Variants in ADAM12 observed in about 807,000 individuals in gnomAD.
ADAM12 encodes ADAM metallopeptidase domain 12, also known as disintegrin and metalloproteinase domain-containing protein 12.
A neutral mutation model predicts 106.4 loss-of-function variants in ADAM12; 70 were observed. That is an observed-to-expected ratio of 0.66 (90% CI 0.54 to 0.80). The LOEUF (loss-of-function observed/expected upper bound fraction) is 0.80. Ranked by LOEUF, ADAM12 falls within the 30% of genes least tolerant of loss-of-function variation. ADAM12 has a pLI of 0.00. For synonymous variants in ADAM12, 420 were observed against 433.5 expected (o/e 0.97, Z 0.39); for missense variants, 1,010 against 1,171.9 (o/e 0.86, Z 2.02).
chr10:126,142,899 G>A (rs766401312), intron 4 of ADAM12, among the ~76,000 whole-genome samples: 1 of 152,100 alleles, frequency 6.6e-6, no homozygotes, highest in Non-Finnish European at 1.5e-5. Flanking sequence ...ATATTTGTGT[G>A]TGTGCATGTG....
At chr10:126,253,073 G>C (rs1459618788) in intron 3 of ADAM12, among the ~76,000 whole-genome samples, 1 of 152,116 alleles carries the variant, frequency 6.6e-6, no homozygotes, top group Non-Finnish European at 1.5e-5. Flanking sequence ...TTAGGACTGT[G>C]GTTCACATTC....
chr10:126,339,847 CTT>C (rs146232567), intron 1 of ADAM12, among the ~76,000 whole-genome samples: 10,339 of 74,020 alleles, frequency 0.14, 153 homozygotes, highest in Middle Eastern at 0.19. Context: ...CATTCTAGGG[CTT>C]TTTTTTTTTT....
intron 2 of ADAM12, among the ~76,000 whole-genome samples, chr10:126,282,753 T>C (rs551888843): frequency 3.3e-5 from 5 of 152,210 alleles, no homozygotes; most frequent in African/African-American, 1.2e-4. Flanking sequence ...CCCTTTTTGC[T>C]CTTAAAATGC....
At chr10:126,370,513 A>G (rs747138358) in intron 1 of ADAM12, among the ~76,000 whole-genome samples, 5 of 152,194 alleles carry the variant, frequency 3.3e-5, no homozygotes, top group African/African-American at 4.8e-5. Context: ...TGCGAAAATG[A>G]AAGGTCAGAG....
chr10:126,170,159 G>T (rs1276338527), intron 3 of ADAM12, among the ~76,000 whole-genome samples: 2 of 152,164 alleles, frequency 1.3e-5, no homozygotes, highest in African/African-American at 4.8e-5. Flanking sequence ...GGCCAGCTGA[G>T]CTCTCTTAAA....
chr10:126,142,277 G>C (rs566984450), intron 4 of ADAM12, among the ~76,000 whole-genome samples: 1 of 152,202 alleles, frequency 6.6e-6, no homozygotes, highest in African/African-American at 2.4e-5. Flanking sequence ...TCAGAGCTGA[G>C]AGCCCTGAAC....
chr10:126,049,501 AC>A lies in ADAM12; in HGVS notation c.1719-51del. 6.2e-7 allele frequency: 1 copy of A among 1,613,428 alleles called. No homozygotes were observed. The highest frequency in any genetic ancestry group is 2.2e-5 in the East Asian group (1 of 44,860). The stretch of plus-strand genomic sequence containing the variant: ...CCCAAGGAGAAACCATTTGGAACCA[AC>A]CCTATGCAATGTGGGAAGGTCAGAG... On this transcript the variant is annotated intron_variant, in intron 15 of 22. Transcript: ENST00000448723. The surrounding 1 kb of genome is among the most constrained non-coding windows in gnomAD (Gnocchi z 4.4).
intron 2 of ADAM12, among the ~76,000 whole-genome samples, chr10:126,284,332 CAAAAAAAAAAA>C (rs58488226): frequency 6.4e-5 from 3 of 46,518 alleles, no homozygotes; most frequent in Admixed American, 3.0e-4. Context: ...GACTCCATCT[CAAAAAAAAAAA>C]AAAAAAAAAA....
Position 126,049,529 on chromosome 10 carries a change from A to G in ADAM12, c.1718+32T>C, listed in dbSNP as rs552286099. ...CTATGCAATGTGGGAAGGTCAGAGC[A>G]AAGACTTTGCCAGGATGTCTGGATT... On this transcript the variant is annotated intron_variant, in intron 15 of 22. Coordinates refer to ENST00000448723, the MANE Select transcript of ADAM12 (RefSeq NM_001288973.2). The surrounding 1 kb of genome is among the most constrained non-coding windows in gnomAD (Gnocchi z 4.4). The G allele has an allele frequency of 6.2e-7, 1 of 1,613,940 alleles. No individual in the cohort carries two copies. Among genetic ancestry groups the G allele is most frequent in the East Asian group, 2.2e-5 (1 of 44,884 alleles).
chr10:126,235,997 CAG>C (rs1460047400), intron 3 of ADAM12, among the ~76,000 whole-genome samples: 1 of 152,008 alleles, frequency 6.6e-6, no homozygotes, highest in East Asian at 1.9e-4. Flanking sequence ...GCCTGGCAGA[CAG>C]GGAGACAGAG....
Position 126,066,296 on chromosome 10 carries a change from C to A in ADAM12, c.1413+421G>T, listed in dbSNP as rs1057167613. 6.6e-6 allele frequency among the ~76,000 whole-genome samples: 1 copy of A among 152,168 alleles called. No homozygotes were observed. Among genetic ancestry groups the A allele is most frequent in the East Asian group, 1.9e-4 (1 of 5,192 alleles). On this transcript the variant is annotated intron_variant, in intron 13 of 22. Transcript: ENST00000448723. This position sits in a 1 kb window ranked among gnomAD's most constrained non-coding sequence, Gnocchi z 5.1. ...AGATTGAGTTGTTTATACAAAACTTCTGGGACAAGCCAGCAGGCAGATGTC... is the reference window on the plus strand; with the variant it reads ...AGATTGAGTTGTTTATACAAAACTTATGGGACAAGCCAGCAGGCAGATGTC...
At chr10:126,100,564 A>G (rs1955644437) in intron 9 of ADAM12, among the ~76,000 whole-genome samples, 1 of 151,590 alleles carries the variant, frequency 6.6e-6, no homozygotes, top group South Asian at 2.1e-4. Context: ...AAAATACAAA[A>G]ATTAGCTGGG....
At chr10:126,132,558 C>A (rs1229079964) in intron 5 of ADAM12, among the ~76,000 whole-genome samples, 1 of 142,240 alleles carries the variant, frequency 7.0e-6, no homozygotes, top group African/African-American at 2.6e-5. Flanking sequence ...GTCCCAGAAT[C>A]AAAGAACAAA....
rs543786530 is a variant in ADAM12, at chr10:126,214,362, T to G, written c.261-59057A>C. On this transcript the variant is annotated intron_variant, in intron 3 of 22. Coordinates refer to ENST00000448723, the MANE Select transcript of ADAM12 (RefSeq NM_001288973.2). ...GGTAAGAGTTTCTACCCTGTAGGGTTGCTACAAGGTGCTCCTCTGAGATAA... is the reference window on the plus strand; with the variant it reads ...GGTAAGAGTTTCTACCCTGTAGGGTGGCTACAAGGTGCTCCTCTGAGATAA... Among the ~76,000 whole-genome samples, 290 of 152,350 alleles carry G rather than the reference T, an allele frequency of 1.9e-3. 2 individuals carry two copies. The highest frequency in any genetic ancestry group is 3.7e-3 in the Non-Finnish European group (252 of 68,034).
rs1387968377 is a variant in ADAM12 at position 126,043,314 on chromosome 10, CAG to C, written c.1996-168_1996-167del. On this transcript the variant is annotated intron_variant, in intron 17 of 22. Transcript: ENST00000448723. This position sits in a 1 kb window ranked among gnomAD's most constrained non-coding sequence, Gnocchi z 4.1. The stretch of plus-strand genomic sequence containing the variant: ...CCCAAAGCCGGCACTACACACCACA[CAG>C]GGGCGACCAAACCTGAGGCTGTGAA... Among the ~76,000 whole-genome samples, 6 of 152,212 alleles carry C rather than the reference CAG, an allele frequency of 3.9e-5. No individual in the cohort carries two copies. The highest frequency in any genetic ancestry group is 2.1e-4 in the South Asian group (1 of 4,830).
intron 4 of ADAM12, among the ~76,000 whole-genome samples, chr10:126,137,189 T>A (rs1311329050): frequency 6.6e-6 from 1 of 152,302 alleles, no homozygotes; most frequent in East Asian, 1.9e-4. Flanking sequence ...CTTTTCTCAC[T>A]GATGTGACAT....
intron 3 of ADAM12, among the ~76,000 whole-genome samples, chr10:126,246,242 G>C (rs1958626534): frequency 6.6e-6 from 1 of 152,206 alleles, no homozygotes; most frequent in Non-Finnish European, 1.5e-5. Context: ...TGAAAAGACT[G>C]AGATATTGAT....
intron 4 of ADAM12, among the ~76,000 whole-genome samples, chr10:126,140,148 G>T (rs1466900006): frequency 6.6e-6 from 1 of 152,146 alleles, no homozygotes; most frequent in African/African-American, 2.4e-5. Flanking sequence ...ACTGGGTTTT[G>T]ACTGTCACAG....
At chr10:126,258,260 T>C (rs192406007) in intron 3 of ADAM12, among the ~76,000 whole-genome samples, 11 of 152,332 alleles carry the variant, frequency 7.2e-5, no homozygotes, top group African/African-American at 2.6e-4. Flanking sequence ...TTTGTCCTCA[T>C]TAGAGTCTGA....
Sources: allele counts gnomAD v4.1 joint callset (sites outside exome capture counted in the v4.1 genomes callset), GRCh38; gene constraint gnomAD v4.1.1; non-coding constraint Gnocchi (gnomAD v3.1); transcripts MANE v1.5; gene names NCBI Gene and HGNC (gene_info 2026-07-23, HGNC 2026-07-21).